The following RPH3A variants were observed in gnomAD, a reference collection of about 807,000 sequenced individuals.
RPH3A encodes rabphilin 3A.
Under a neutral mutation model 102.2 loss-of-function variants are expected in RPH3A, and 48 were observed. The ratio of observed to expected loss-of-function variants is 0.47; its 90% CI spans 0.37 to 0.60. The LOEUF is 0.60. Ranked by LOEUF, RPH3A falls within the 20% of genes least tolerant of loss-of-function variation. The pLI, the probability that RPH3A is intolerant of heterozygous loss-of-function variation, is 0.00. For synonymous variants in RPH3A, 310 were observed against 324.3 expected, an observed-to-expected ratio of 0.96 and a Z score of 0.47; for missense variants, 781 against 910.1, an observed-to-expected ratio of 0.86 and a Z score of 1.83.
At chr12:112,825,646 A>G (rs2041855668) in intron 2 of RPH3A, among the ~76,000 whole-genome samples, 1 of 152,138 alleles carries the variant, frequency 6.6e-6, no homozygotes, top group African/African-American at 2.4e-5. Flanking sequence ...ACTCTTTCAC[A>G]CATTCAGCAA....
chr12:112,847,574 C>A, intron 4 of RPH3A, 122 bp from the exon 5 acceptor site: 1 of 1,067,636 alleles, frequency 9.4e-7, no homozygotes. Flanking sequence ...CAGAGAGGAG[C>A]AGATTGAAGC....
chr12:112,895,712 T>A, intron 20 of RPH3A, 65 bp from the exon 21 acceptor site: 4 of 1,201,616 alleles, frequency 3.3e-6, no homozygotes, highest in Non-Finnish European at 4.9e-6. Flanking sequence ...GGACTCGGCC[T>A]CTTACCTCCC....
intron 3 of RPH3A, among the ~76,000 whole-genome samples, chr12:112,832,587 A>C (rs1294342381): frequency 6.6e-6 from 1 of 152,170 alleles, no homozygotes; most frequent in Non-Finnish European, 1.5e-5. Flanking sequence ...CACACCTATA[A>C]TCACAGCAAT....
intron 1 of RPH3A, among the ~76,000 whole-genome samples, chr12:112,729,806 G>A (rs1041010070): frequency 6.6e-6 from 1 of 152,206 alleles, no homozygotes. Flanking sequence ...CTTTCTGTGT[G>A]TTATATGTTG....
intron 1 of RPH3A, among the ~76,000 whole-genome samples, chr12:112,632,310 A>G (rs781012094): frequency 6.6e-6 from 1 of 152,180 alleles, no homozygotes; most frequent in Non-Finnish European, 1.5e-5. Context: ...GGACTCATAC[A>G]GTGCCCATTA....
intron 1 of RPH3A, among the ~76,000 whole-genome samples, chr12:112,622,488 C>T (rs1316761115): frequency 4.4e-5 from 5 of 114,230 alleles, no homozygotes; most frequent in African/African-American, 1.4e-4. Flanking sequence ...TGAAATGAAG[C>T]GAGAAGGGAA....
intron 1 of RPH3A, among the ~76,000 whole-genome samples, chr12:112,605,442 AC>A (rs1243709744): frequency 6.6e-6 from 1 of 152,174 alleles, no homozygotes; most frequent in Non-Finnish European, 1.5e-5. Context: ...AAAACAAAAA[AC>A]AAAACCAACA....
At position 112,875,137 on chromosome 12, in the gene RPH3A, C is replaced by T; in HGVS notation, c.850C>T (p.Gln284Ter). Residue 284 changes from glutamine to a stop codon, truncating the protein, a stop_gained, in exon 11 of 22, where the codon CAG becomes TAG. Coordinates refer to ENST00000389385, the MANE Select transcript of RPH3A (RefSeq NM_001143854.2). LOFTEE classifies it high-confidence loss of function. Reference sequence around the variant, plus strand: ...CTCCAGACCTGCCCCAGGCTCGGTGCAGAGCCCAGCGCCACCTCAGCCTGG... The same window carrying T: ...CTCCAGACCTGCCCCAGGCTCGGTGTAGAGCCCAGCGCCACCTCAGCCTGG... ...QASRPAPGSVQSPAPPQPGQP... is the reference protein window; with the variant it reads ...QASRPAPGSV 1 of 1,608,968 alleles carries T rather than the reference C, an allele frequency of 6.2e-7. No homozygotes were observed. Among genetic ancestry groups the T allele is most frequent in the Non-Finnish European group, 8.5e-7 (1 of 1,178,186 alleles).
chr12:112,634,206 G>C (rs2039829054), intron 1 of RPH3A, among the ~76,000 whole-genome samples: 1 of 120,658 alleles, frequency 8.3e-6, no homozygotes, highest in South Asian at 2.8e-4. Context: ...AAATTAGCCG[G>C]GCGTAGTGGC....
intron 1 of RPH3A, among the ~76,000 whole-genome samples, chr12:112,652,950 C>T (rs779714222): frequency 6.6e-6 from 1 of 152,140 alleles, no homozygotes; most frequent in Non-Finnish European, 1.5e-5. Context: ...TACCACTAGG[C>T]TGTATGGTGT....
chr12:112,619,804 G>T (rs2039709084), intron 1 of RPH3A, among the ~76,000 whole-genome samples: 1 of 152,030 alleles, frequency 6.6e-6, no homozygotes, highest in Non-Finnish European at 1.5e-5. Context: ...AGATCAACAG[G>T]TAGTGACCTA....
intron 1 of RPH3A, among the ~76,000 whole-genome samples, chr12:112,692,535 T>C (rs1411349339): frequency 1.3e-5 from 2 of 152,060 alleles, no homozygotes; most frequent in Non-Finnish European, 1.5e-5. Context: ...GTGGCTACCA[T>C]ATTGGACAGT....
intron 16 of RPH3A, among the ~76,000 whole-genome samples, chr12:112,884,330 C>T (rs1202590951): frequency 6.6e-6 from 1 of 152,188 alleles, no homozygotes; most frequent in East Asian, 1.9e-4. Context: ...TTTGTATATT[C>T]TATCTCCCAC....
At chr12:112,747,268 G>C (rs1565868707) in intron 1 of RPH3A, among the ~76,000 whole-genome samples, 1 of 152,036 alleles carries the variant, frequency 6.6e-6, no homozygotes, top group Non-Finnish European at 1.5e-5. Context: ...CTCATGAGTG[G>C]GATTAGTGCT....
At chr12:112,891,468 C>T (rs1203091490) in intron 19 of RPH3A, among the ~76,000 whole-genome samples, 1 of 152,214 alleles carries the variant, frequency 6.6e-6, no homozygotes, top group African/African-American at 2.4e-5. Context: ...ACTCTGTTAT[C>T]TGTGTTAGTC....
chr12:112,875,017 C>G (rs1419368747), intron 10 of RPH3A, 67 bp from the exon 11 acceptor site: 5 of 1,399,050 alleles, frequency 3.6e-6, no homozygotes, highest in Non-Finnish European at 4.9e-6. Flanking sequence ...TGAGTGGTCC[C>G]AAGCTCCTTC....
intron 1 of RPH3A, among the ~76,000 whole-genome samples, chr12:112,729,359 A>AT (rs2040617489): frequency 1.3e-5 from 2 of 151,904 alleles, no homozygotes; most frequent in African/African-American, 2.4e-5. Context: ...TAATTTTTGC[A>AT]TTTTTTTGTA....
intron 1 of RPH3A, among the ~76,000 whole-genome samples, chr12:112,634,074 C>T (rs531172046): frequency 3.3e-5 from 5 of 152,262 alleles, no homozygotes; most frequent in African/African-American, 7.2e-5. Flanking sequence ...GTCGGCTGGG[C>T]GCAGTGGCTC....
chr12:112,691,304 G>A (rs193246635), intron 1 of RPH3A, among the ~76,000 whole-genome samples: 2 of 152,116 alleles, frequency 1.3e-5, no homozygotes, highest in African/African-American at 2.4e-5. Flanking sequence ...GAGCCACCGC[G>A]CCCAGCCTTG....
Sources: gnomAD v4.1 joint callset for allele counts (sites outside exome capture counted in the v4.1 genomes callset) on GRCh38, gnomAD v4.1.1 for gene constraint, MANE v1.5 for transcripts, NCBI Gene and HGNC (gene_info 2026-07-23, HGNC 2026-07-21) for gene names.